MLLT3: variants seen among roughly 807,000 people sequenced by gnomAD.
The protein encoded by MLLT3 is protein AF-9.
A neutral mutation model predicts 53.2 loss-of-function variants in MLLT3; 4 were observed. The observed-to-expected ratio is 0.08, with a 90% CI of 0.04 to 0.17. The LOEUF is 0.17. Among genes scored for constraint, MLLT3 ranks in the 10% least tolerant of loss-of-function variants. MLLT3 has a pLI of 1.00. For missense variants in MLLT3, 569 were observed against 684.0 expected, an observed-to-expected ratio of 0.83 and a Z score of 1.87; for synonymous variants, 283 against 230.6, an observed-to-expected ratio of 1.23 and a Z score of -2.06.
rs201323190 is a variant in MLLT3, at chr9:20,506,467, CT to C, written c.194-49682del. On this transcript the variant is annotated intron_variant, in intron 2 of 10. Transcript: ENST00000380338. ...CAGAGCCATAACCGTCAAGTAAATG[CT>C]TTTTTTTTTTAACCTTTTAAATATT... is the stretch of plus-strand genomic sequence containing the variant. Among the ~76,000 whole-genome samples the C allele has an allele frequency of 0.013, 1,961 of 146,010 alleles. 73 individuals are homozygous for C. The East Asian group carries it at 0.16, about 12-fold the overall frequency.
At chr9:20,502,116 T>C in intron 2 of MLLT3, 1 of 147,918 alleles carries the variant, frequency 6.8e-6, no homozygotes, top group Non-Finnish European at 1.5e-5. Context: ...GACTACCTTT[T>C]AAGGAAAAGT....
At chr9:20,517,292 C>G (rs558232638) in intron 2 of MLLT3, among the ~76,000 whole-genome samples, 1 of 152,154 alleles carries the variant, frequency 6.6e-6, no homozygotes, top group South Asian at 2.1e-4. Context: ...AAAAGAACAA[C>G]ACAAATCTCA....
At chr9:20,476,627 C>A (rs1356921690) in intron 2 of MLLT3, among the ~76,000 whole-genome samples, 1 of 152,102 alleles carries the variant, frequency 6.6e-6, no homozygotes, top group African/African-American at 2.4e-5. Context: ...CTCTATAAAT[C>A]ATATGGTACC....
chr9:20,611,429 A>G (rs1429055129), intron 2 of MLLT3, among the ~76,000 whole-genome samples: 1 of 152,114 alleles, frequency 6.6e-6, no homozygotes, highest in African/African-American at 2.4e-5. Context: ...ACACACACAG[A>G]GCATTTTGCC....
intron 8 of MLLT3, among the ~76,000 whole-genome samples, chr9:20,359,216 C>G (rs912632403): frequency 6.8e-6 from 1 of 146,790 alleles, no homozygotes; most frequent in South Asian, 2.2e-4. Flanking sequence ...CTAGTTCTCA[C>G]TGAAGCACAA....
intron 2 of MLLT3, among the ~76,000 whole-genome samples, chr9:20,501,547 C>T (rs1247682082): frequency 2.0e-5 from 3 of 150,978 alleles, no homozygotes; most frequent in Non-Finnish European, 3.0e-5. Flanking sequence ...GTCAGGAGAT[C>T]GAGACCATCC....
At chr9:20,374,276 T>C (rs1173784797) in intron 5 of MLLT3, among the ~76,000 whole-genome samples, 1 of 152,114 alleles carries the variant, frequency 6.6e-6, no homozygotes, top group Non-Finnish European at 1.5e-5. Flanking sequence ...CCCAACTACT[T>C]GGGAGGCTGA....
At chr9:20,385,409 C>T (rs541715301) in intron 5 of MLLT3, among the ~76,000 whole-genome samples, 5 of 152,088 alleles carry the variant, frequency 3.3e-5, no homozygotes, top group African/African-American at 1.2e-4. Context: ...TTTTGAATCT[C>T]GAAGAAAATG....
intron 6 of MLLT3, among the ~76,000 whole-genome samples, chr9:20,363,904 T>G (rs530686865): frequency 6.6e-5 from 10 of 152,290 alleles, no homozygotes; most frequent in African/African-American, 2.4e-4. Context: ...AAAAGAAAAA[T>G]CTATCAGTAA....
chr9:20,548,837 T>TC (rs397781558), intron 2 of MLLT3, among the ~76,000 whole-genome samples: 9 of 151,840 alleles, frequency 5.9e-5, no homozygotes, highest in East Asian at 1.9e-4. Flanking sequence ...TTTTTTTTTT[T>TC]CCAAACAGGG....
chr9:20,359,736 A>G (rs1821269786), intron 8 of MLLT3, among the ~76,000 whole-genome samples: 2 of 152,234 alleles, frequency 1.3e-5, no homozygotes, highest in African/African-American at 2.4e-5. Flanking sequence ...TTTAAAATTG[A>G]AGGACACCTG....
chr9:20,447,839 G>A (rs184551346), intron 4 of MLLT3, among the ~76,000 whole-genome samples: 85 of 152,130 alleles, frequency 5.6e-4, no homozygotes, highest in African/African-American at 2.0e-3. Context: ...AGAGTTTATT[G>A]CTTGTTTGTT....
chr9:20,465,898 A>T (rs1234262701), intron 2 of MLLT3, among the ~76,000 whole-genome samples: 2 of 152,172 alleles, frequency 1.3e-5, no homozygotes, highest in Non-Finnish European at 2.9e-5. Context: ...TACATATAGG[A>T]GTACAGTTTC....
At chr9:20,584,179 G>C (rs969862854) in intron 2 of MLLT3, among the ~76,000 whole-genome samples, 2 of 152,146 alleles carry the variant, frequency 1.3e-5, no homozygotes, top group East Asian at 3.9e-4. Context: ...CTGCTAAAAC[G>C]TAACAAGAGT....
At chr9:20,463,687 G>A (rs1402215339) in intron 2 of MLLT3, among the ~76,000 whole-genome samples, 2 of 152,062 alleles carry the variant, frequency 1.3e-5, no homozygotes, top group Admixed American at 1.3e-4. Context: ...ATGGGAAATA[G>A]AAAAACTGTA....
intron 5 of MLLT3, among the ~76,000 whole-genome samples, chr9:20,395,786 C>T (rs769927234): frequency 3.3e-5 from 5 of 152,160 alleles, no homozygotes; most frequent in Non-Finnish European, 5.9e-5. Context: ...CTGTGTGGTA[C>T]ATTACATGCC....
At chr9:20,354,682 T>C (rs552241006) in intron 9 of MLLT3, 126 bp downstream of exon 9, 75 of 661,978 alleles carry the variant, frequency 1.1e-4, no homozygotes, top group South Asian at 1.1e-3. Context: ...TACTCATCAT[T>C]TGGGCATCTT....
At chr9:20,489,771 G>A (rs76324903) in intron 2 of MLLT3, among the ~76,000 whole-genome samples, 3,988 of 152,130 alleles carry the variant, frequency 0.026, 66 homozygotes, top group South Asian at 0.06. Context: ...CTATATAAAC[G>A]GCAAGCTATT....
At chr9:20,372,829 G>A (rs1174929135) in intron 5 of MLLT3, among the ~76,000 whole-genome samples, 2 of 151,982 alleles carry the variant, frequency 1.3e-5, no homozygotes, top group Non-Finnish European at 2.9e-5. Context: ...CTAGCTGAAG[G>A]CCAAGAAAAT....
Sources: allele counts gnomAD v4.1 joint callset (sites outside exome capture counted in the v4.1 genomes callset), GRCh38; gene constraint gnomAD v4.1.1; transcripts MANE v1.5; gene names NCBI Gene and HGNC (gene_info 2026-07-23, HGNC 2026-07-21).